Variants in ENPP3 observed in about 807,000 individuals in gnomAD.
The protein encoded by ENPP3 is ectonucleotide pyrophosphatase/phosphodiesterase 3.
In ENPP3, 104 loss-of-function variants were observed where a neutral mutation model predicts 117.8. The ratio of observed to expected loss-of-function variants is 0.88; its 90% CI spans 0.75 to 1.04. The LOEUF is 1.04. Among genes scored for constraint, ENPP3 ranks in the 50% least tolerant of loss-of-function variants. The pLI, the probability that ENPP3 is intolerant of heterozygous loss-of-function variation, is 0.00. For synonymous variants in ENPP3, 380 were observed against 349.9 expected, an observed-to-expected ratio of 1.09 and a Z score of -0.96; for missense variants, 1,026 against 1,051.9, an observed-to-expected ratio of 0.98 and a Z score of 0.34.
intron 11 of ENPP3, among the ~76,000 whole-genome samples, chr6:131,680,488 G>A (rs911331151): frequency 3.9e-5 from 6 of 152,064 alleles, no homozygotes; most frequent in African/African-American, 9.7e-5. Flanking sequence ...CTGGGATATC[G>A]GCAGCATATA....
intron 2 of ENPP3, among the ~76,000 whole-genome samples, chr6:131,644,889 T>A (rs1778123605): frequency 6.6e-6 from 1 of 152,224 alleles, no homozygotes. Context: ...GTAACTATTG[T>A]GTTCTAGAAA....
Position 131,690,159 on chromosome 6 carries a change from G to A in ENPP3, c.1285-3338G>A, listed in dbSNP as rs79174826. On this transcript the variant is annotated intron_variant, in intron 14 of 24. Transcript: ENST00000357639. ...TTATTCCATAAACTTAGTGGCTAAA[G>A]CAGCAGCTTTGAGAGGACTTGAGAG... Among the ~76,000 whole-genome samples the A allele has an allele frequency of 5.5e-3, 836 of 152,330 alleles. 6 individuals are homozygous for A. The highest frequency in any genetic ancestry group is 0.017 in the African/African-American group (707 of 41,578).
At chr6:131,672,469 C>T (rs1158771026) in intron 7 of ENPP3, among the ~76,000 whole-genome samples, 5 of 152,056 alleles carry the variant, frequency 3.3e-5, no homozygotes, top group South Asian at 2.1e-4. Flanking sequence ...CAACAATATA[C>T]ATAAATAATG....
chr6:131,654,535 T>C (rs1778342474), intron 5 of ENPP3, among the ~76,000 whole-genome samples: 1 of 152,070 alleles, frequency 6.6e-6, no homozygotes, highest in Admixed American at 6.6e-5. Flanking sequence ...TGCTACCTCC[T>C]AGCCTCAAAC....
At chr6:131,684,587 G>A (rs1779107481) in intron 12 of ENPP3, among the ~76,000 whole-genome samples, 2 of 151,724 alleles carry the variant, frequency 1.3e-5, no homozygotes, top group African/African-American at 4.8e-5. Flanking sequence ...GCTGAGACAG[G>A]AGAATCACTT....
chr6:131,739,477 G>A (rs1780477296), intron 23 of ENPP3, among the ~76,000 whole-genome samples: 2 of 152,096 alleles, frequency 1.3e-5, no homozygotes, highest in Admixed American at 1.3e-4. Flanking sequence ...GAAGTGCACG[G>A]CTGGAGGTGG....
At chr6:131,663,316 T>C (rs1035507707) in intron 6 of ENPP3, among the ~76,000 whole-genome samples, 1 of 151,884 alleles carries the variant, frequency 6.6e-6, no homozygotes, top group African/African-American at 2.4e-5. Context: ...TATAGCTATG[T>C]GCCACATAAC....
chr6:131,647,184 A>G (rs1380430641), intron 2 of ENPP3, among the ~76,000 whole-genome samples: 2 of 152,120 alleles, frequency 1.3e-5, no homozygotes, highest in Non-Finnish European at 2.9e-5. Context: ...TCAACCAGCT[A>G]CTTTTAAAGA....
chr6:131,688,650 A>G (rs768915577), intron 14 of ENPP3, among the ~76,000 whole-genome samples: 15 of 152,238 alleles, frequency 9.9e-5, no homozygotes, highest in Non-Finnish European at 1.0e-4. Flanking sequence ...AACCTAATTC[A>G]GAGCAAGACG....
chr6:131,648,405 G>A (rs1441525302), intron 2 of ENPP3, among the ~76,000 whole-genome samples: 1 of 151,730 alleles, frequency 6.6e-6, no homozygotes, highest in Non-Finnish European at 1.5e-5. Flanking sequence ...ATGTTGTGAG[G>A]CAAGAATATC....
At chr6:131,702,347 C>A (rs1183760172) in intron 15 of ENPP3, among the ~76,000 whole-genome samples, 3 of 149,046 alleles carry the variant, frequency 2.0e-5, no homozygotes, top group East Asian at 3.9e-4. Context: ...TTGCACTGAT[C>A]ATCACCTCCA....
At position 131,637,409 on chromosome 6, in the gene ENPP3, A is replaced by G. The variant is rs1777949364; in HGVS notation, c.25A>G (p.Thr9Ala). Reference protein sequence around the residue: MESTLTLATEQPVKKNTLK... With the variant: MESTLTLAAEQPVKKNTLK... The stretch of plus-strand genomic sequence containing the variant: ...AATGGAATCTACGTTGACTTTAGCA[A>G]CGGAACAACCTGTTAAGAAGAACAC... Residue 9 changes from threonine (T) to alanine (A), a missense_variant, in exon 1 of 25, where the codon ACG (threonine) becomes GCG (alanine). Physicochemically the swap from Thr to Ala is moderately conservative, Grantham distance 58 (BLOSUM62 0). Coordinates refer to ENST00000357639, the MANE Select transcript of ENPP3 (RefSeq NM_005021.5). 6.3e-7 allele frequency: 1 copy of G among 1,597,800 alleles called. No individual in the cohort carries two copies. The highest frequency in any genetic ancestry group is 1.3e-5 in the African/African-American group (1 of 74,256).
At chr6:131,656,943 T>C (rs1027918121) in intron 5 of ENPP3, among the ~76,000 whole-genome samples, 5 of 152,244 alleles carry the variant, frequency 3.3e-5, no homozygotes, top group Non-Finnish European at 2.9e-5. Flanking sequence ...GTGCATTGGA[T>C]GTTTGGATTC....
chr6:131,726,353 G>A (rs149086985), intron 20 of ENPP3, among the ~76,000 whole-genome samples, 153 bp downstream of exon 20: 1 of 152,320 alleles, frequency 6.6e-6, no homozygotes, highest in Non-Finnish European at 1.5e-5. Context: ...TTAGATAAAG[G>A]TTGTTATAGG....
chr6:131,728,680 T>A (rs1391212609), intron 20 of ENPP3, among the ~76,000 whole-genome samples: 1 of 152,220 alleles, frequency 6.6e-6, no homozygotes, highest in Non-Finnish European at 1.5e-5. Context: ...AAATAAGCAC[T>A]TTTTGGAACA....
rs776714954 is a variant in ENPP3 at position 131,658,380 on chromosome 6, A to G, written c.522A>G (p.Leu174=). ...TGGATGGATTTAGAGCTGAATATTT[A>G]TACACATGGGATACTTTAATGCCAA... The part of the protein sequence containing the change: ...FSMDGFRAEY[L]YTWDTLMPNI... The change falls in exon 6 of 25, where the codon TTA becomes TTG. Residue 174 remains leucine (L), a synonymous_variant. Coordinates refer to ENST00000357639, the MANE Select transcript of ENPP3 (RefSeq NM_005021.5). The G allele has an allele frequency of 6.2e-7, 1 of 1,604,664 alleles. No individual in the cohort carries two copies. The highest frequency in any genetic ancestry group is 1.1e-5 in the South Asian group (1 of 90,822).
At chr6:131,679,599 G>T (rs1251760625) in intron 11 of ENPP3, among the ~76,000 whole-genome samples, 1 of 148,092 alleles carries the variant, frequency 6.8e-6, no homozygotes, top group Non-Finnish European at 1.5e-5. Flanking sequence ...CAAAGGAAAA[G>T]ATCGGAGTCC....
At chr6:131,657,150 C>G (rs1018939240) in intron 5 of ENPP3, among the ~76,000 whole-genome samples, 4 of 152,020 alleles carry the variant, frequency 2.6e-5, no homozygotes, top group African/African-American at 9.7e-5. Context: ...TTCAAACGGT[C>G]CCAGTTTTCC....
chr6:131,668,458 G>A (rs917814970), intron 6 of ENPP3, among the ~76,000 whole-genome samples: 12 of 151,940 alleles, frequency 7.9e-5, no homozygotes, highest in African/African-American at 2.2e-4. Flanking sequence ...CAGGAGATCC[G>A]TCCGCCTCAG....
Sources: gnomAD v4.1 joint callset for allele counts (sites outside exome capture counted in the v4.1 genomes callset) on GRCh38, gnomAD v4.1.1 for gene constraint, MANE v1.5 for transcripts, NCBI Gene and HGNC (gene_info 2026-07-23, HGNC 2026-07-21) for gene names.